Variants in WDFY1 observed in about 807,000 individuals in gnomAD.
The protein encoded by WDFY1 is WD repeat and FYVE domain containing 1, also known as WD repeat and FYVE domain-containing protein 1.
WDFY1 carries 32 observed loss-of-function variants against 56.4 expected under a neutral mutation model. The observed-to-expected ratio is 0.57, with a 90% CI of 0.43 to 0.76. The LOEUF is 0.76. Among genes scored for constraint, WDFY1 ranks in the 30% least tolerant of loss-of-function variants. The pLI is 0.00. For synonymous variants in WDFY1, 192 were observed against 197.3 expected (o/e 0.97, Z 0.23); for missense variants, 480 against 545.7 (o/e 0.88, Z 1.20).
At position 223,941,010 on chromosome 2, in the gene WDFY1, T is replaced by C. The variant is rs184109162; in HGVS notation, c.137+4138A>G. ...GCTAATTTTGTATTTTTAGTAGAGA[T>C]GGGGTTTCTCCATGTTGGTCAGGCT... On this transcript the variant is annotated intron_variant, in intron 1 of 11. Coordinates refer to ENST00000233055, the MANE Select transcript of WDFY1 (RefSeq NM_020830.5). Among the ~76,000 whole-genome samples the C allele has an allele frequency of 9.0e-3, 1,370 of 152,238 alleles. 21 individuals are homozygous for C. The highest frequency in any genetic ancestry group is 0.031 in the African/African-American group (1,273 of 41,544).
chr2:223,912,390 G>GATTA (rs2106089151), intron 2 of WDFY1, 64 bp from the exon 3 acceptor site: 3 of 1,387,784 alleles, frequency 2.2e-6, no homozygotes, highest in Non-Finnish European at 3.0e-6. Context: ...TCTTCAAAGT[G>GATTA]ATTAAGAACT....
chr2:223,880,162 C>A lies in WDFY1; in HGVS notation c.1135G>T (p.Gly379Ter). Residue 379 changes from glycine (G) to a stop codon, truncating the protein, a stop_gained, in exon 11 of 12, where the codon GGA becomes TGA. Coordinates refer to ENST00000233055, the MANE Select transcript of WDFY1 (RefSeq NM_020830.5). LOFTEE classifies it high-confidence loss of function. ...TCGGTCCCACAGGTCACCATCAGTC[C>A]CCTGGCAATGTCCATGGACATGTGG... ...ISHMSMDIARGLMVTCGTDRI... is the reference protein window; with the variant it reads ...ISHMSMDIAR The A allele has an allele frequency of 1.2e-6, 2 of 1,614,100 alleles. No homozygotes were observed. Among genetic ancestry groups the A allele is most frequent in the Non-Finnish European group, 1.7e-6 (2 of 1,180,014 alleles).
intron 8 of WDFY1, among the ~76,000 whole-genome samples, chr2:223,889,199 T>C (rs939362971): frequency 1.3e-5 from 2 of 152,144 alleles, no homozygotes; most frequent in Non-Finnish European, 2.9e-5. Context: ...TCACGGTGTC[T>C]GGCCTCTCAA....
chr2:223,907,179 G>A (rs547075262), intron 3 of WDFY1, among the ~76,000 whole-genome samples: 1 of 151,784 alleles, frequency 6.6e-6, no homozygotes, highest in African/African-American at 2.4e-5. Context: ...GTTTCACCAT[G>A]TTGGCCAGCC....
At chr2:223,931,455 CATA>C (rs1444693262) in intron 1 of WDFY1, among the ~76,000 whole-genome samples, 3 of 152,102 alleles carry the variant, frequency 2.0e-5, no homozygotes, top group African/African-American at 7.2e-5. Context: ...GCCTGATGAT[CATA>C]ATAAGTAGAA....
At chr2:223,918,587 C>T (rs545807151) in intron 1 of WDFY1, among the ~76,000 whole-genome samples, 9 of 151,052 alleles carry the variant, frequency 6.0e-5, no homozygotes, top group East Asian at 1.9e-4. Context: ...GCCGAGATTG[C>T]GCCACTGCAC....
At chr2:223,930,657 G>T (rs1694058851) in intron 1 of WDFY1, among the ~76,000 whole-genome samples, 1 of 152,214 alleles carries the variant, frequency 6.6e-6, no homozygotes, top group South Asian at 2.1e-4. Flanking sequence ...GTGACGCTAT[G>T]TTTAAAAAAA....
chr2:223,909,219 AGC>A (rs1693648490), intron 3 of WDFY1, among the ~76,000 whole-genome samples: 1 of 152,164 alleles, frequency 6.6e-6, no homozygotes, highest in African/African-American at 2.4e-5. Flanking sequence ...TCTGGCATAG[AGC>A]CGGGGAATCT....
chr2:223,885,533 A>G (rs999366049), intron 8 of WDFY1, among the ~76,000 whole-genome samples: 2 of 152,140 alleles, frequency 1.3e-5, no homozygotes, highest in Non-Finnish European at 2.9e-5. Context: ...AATTTTAGCC[A>G]TGGTTACAGG....
chr2:223,945,237 C>T lies in WDFY1; in HGVS notation c.48G>A (p.Leu16=). The change falls in exon 1 of 12, where the codon CTG becomes CTA. Residue 16 remains leucine, a synonymous_variant. Coordinates refer to ENST00000233055, the MANE Select transcript of WDFY1 (RefSeq NM_020830.5). ...HSRPQSSRPV[L]LSKIEGHQDA... is the part of the protein sequence containing the mutation. The stretch of plus-strand genomic sequence containing the variant: ...CCTGGTGCCCCTCGATCTTGCTCAG[C>T]AGCACCGGGCGGCTGCTCTGCGGCC... 1 of 1,592,628 alleles carries T rather than the reference C, an allele frequency of 6.3e-7. No homozygotes were observed. Among genetic ancestry groups the T allele is most frequent in the Non-Finnish European group, 8.5e-7 (1 of 1,173,284 alleles).
chr2:223,914,697 A>T (rs1287641489), intron 2 of WDFY1, among the ~76,000 whole-genome samples: 1 of 152,188 alleles, frequency 6.6e-6, no homozygotes, highest in African/African-American at 2.4e-5. Flanking sequence ...CAAGCAATCA[A>T]CCCTTCTAAC....
chr2:223,920,827 T>C (rs1393544347), intron 1 of WDFY1, among the ~76,000 whole-genome samples: 1 of 152,232 alleles, frequency 6.6e-6, no homozygotes, highest in Non-Finnish European at 1.5e-5. Context: ...AGAGAGTGGC[T>C]GAACCGTACG....
In WDFY1 at chr2:223,945,144, C is replaced by T; in HGVS notation, c.137+4G>A. On this transcript the variant is annotated splice_donor_region_variant and intron_variant, in intron 1 of 11. Transcript: ENST00000233055. ...GGGCCGCCCCGGCTGCGCCCGGGCC[C>T]TACCTGTCCTCGCTGGCCGTGATCA... The T allele has an allele frequency of 6.3e-7, 1 of 1,589,054 alleles. No homozygotes were observed. The highest frequency in any genetic ancestry group is 8.5e-7 in the Non-Finnish European group (1 of 1,172,822).
intron 7 of WDFY1, chr2:223,894,540 AAT>A (rs934537243): frequency 1.2e-5 from 7 of 563,770 alleles, no homozygotes; most frequent in Admixed American, 9.6e-5. Context: ...CTTTCTATAA[AAT>A]ATATGACTAC....
rs765414060 is a variant in WDFY1 at position 223,945,302 on chromosome 2, T to A, written c.-18A>T. 5 of 1,558,652 alleles carry A rather than the reference T, an allele frequency of 3.2e-6. No homozygotes were observed. The highest frequency in any genetic ancestry group is 4.3e-6 in the Non-Finnish European group (5 of 1,160,508). On this transcript the variant is annotated 5_prime_UTR_variant, in exon 1 of 12. Transcript: ENST00000233055. Reference sequence around the variant, plus strand: ...GCCGCCATGTTCGCGCGGCGACTGCTGCGGCCTCCTCGGCAGGCAGCCCAT... The same window carrying A: ...GCCGCCATGTTCGCGCGGCGACTGCAGCGGCCTCCTCGGCAGGCAGCCCAT...
At chr2:223,933,145 G>T (rs1694108352) in intron 1 of WDFY1, among the ~76,000 whole-genome samples, 1 of 138,136 alleles carries the variant, frequency 7.2e-6, no homozygotes, top group Admixed American at 7.4e-5. Flanking sequence ...TTGTAGAGGA[G>T]AATTAGATTG....
At chr2:223,918,173 A>G (rs188389678) in intron 1 of WDFY1, among the ~76,000 whole-genome samples, 163 bp from the exon 2 acceptor site, 1 of 152,110 alleles carries the variant, frequency 6.6e-6, no homozygotes, top group East Asian at 1.9e-4. Flanking sequence ...GTACACATAC[A>G]TATATAGTAT....
chr2:223,942,575 C>T (rs910027083), intron 1 of WDFY1, among the ~76,000 whole-genome samples: 2 of 99,166 alleles, frequency 2.0e-5, no homozygotes, highest in Non-Finnish European at 3.9e-5. Flanking sequence ...GTCGCCCAGG[C>T]CGGACTGCGG....
chr2:223,928,746 C>A (rs1694025452), intron 1 of WDFY1, among the ~76,000 whole-genome samples: 1 of 152,198 alleles, frequency 6.6e-6, no homozygotes, highest in South Asian at 2.1e-4. Context: ...AGGCAGATGC[C>A]AGAGGCTTCA....
Sources: allele counts gnomAD v4.1 joint callset (sites outside exome capture counted in the v4.1 genomes callset), GRCh38; gene constraint gnomAD v4.1.1; transcripts MANE v1.5; gene names NCBI Gene and HGNC (gene_info 2026-07-23, HGNC 2026-07-21).